Variants in FILIP1 observed in about 807,000 individuals in gnomAD.
The protein encoded by FILIP1 is filamin-A-interacting protein 1.
FILIP1 carries 61 observed loss-of-function variants against 102.1 expected under a neutral mutation model. The ratio of observed to expected loss-of-function variants is 0.60; its 90% CI spans 0.49 to 0.74. The LOEUF is 0.74. Among genes scored for constraint, FILIP1 ranks in the 30% least tolerant of loss-of-function variants. The pLI, the probability that FILIP1 is intolerant of heterozygous loss-of-function variation, is 0.00. For synonymous variants in FILIP1, 491 were observed against 526.9 expected (o/e 0.93, Z 0.93); for missense variants, 1,314 against 1,441.2 (o/e 0.91, Z 1.43).
intron 2 of FILIP1, chr6:75,399,260 T>C (rs1427684549): frequency 6.6e-6 from 1 of 152,210 alleles, no homozygotes; most frequent in Non-Finnish European, 1.5e-5. Flanking sequence ...GTTCAAGTTG[T>C]AACTTAGAGA....
At chr6:75,433,186 T>C (rs1433052577) in intron 1 of FILIP1, among the ~76,000 whole-genome samples, 1 of 152,246 alleles carries the variant, frequency 6.6e-6, no homozygotes, top group African/African-American at 2.4e-5. Context: ...CCTTTGGGTA[T>C]ATACCCAGTA....
At chr6:75,382,748 C>A (rs1775946654) in intron 2 of FILIP1, among the ~76,000 whole-genome samples, 1 of 152,278 alleles carries the variant, frequency 6.6e-6, no homozygotes, top group African/African-American at 2.4e-5. Flanking sequence ...CAAAGCAAAG[C>A]TTTTAGGGCT....
intron 1 of FILIP1, among the ~76,000 whole-genome samples, chr6:75,478,172 A>G (rs540022469): frequency 1.3e-5 from 2 of 152,322 alleles, no homozygotes; most frequent in African/African-American, 4.8e-5. Flanking sequence ...AGGATCAAAG[A>G]GCAAAAGATA....
Position 75,308,818 on chromosome 6 carries a change from A to G in FILIP1, c.3515T>C (p.Val1172Ala). Residue 1172 changes from valine to alanine, a missense_variant, in exon 6 of 6, where the codon GTA (valine) becomes GCA (alanine). Val to Ala is a moderately conservative substitution (Grantham distance 64). Coordinates refer to ENST00000237172, the MANE Select transcript of FILIP1 (RefSeq NM_015687.5). ...MSKGMKAGKPVVAAPGAGNLT... is the reference protein window; with the variant it reads ...MSKGMKAGKPAVAAPGAGNLT... ...ATTTCCTGCTCCTGGGGCTGCCACT[A>G]CTGGCTTTCCTGCTTTCATACCTTT... The G allele has an allele frequency of 6.2e-7, 1 of 1,614,064 alleles. No homozygotes were observed.
At chr6:75,403,919 TAGATG>T (rs1333211693) in intron 2 of FILIP1, among the ~76,000 whole-genome samples, 5 of 152,214 alleles carry the variant, frequency 3.3e-5, no homozygotes, top group Admixed American at 3.3e-4. Flanking sequence ...TCATATTCGT[TAGATG>T]ACACAGACTT....
chr6:75,397,563 C>CGT (rs1268496897), intron 2 of FILIP1, among the ~76,000 whole-genome samples: 27 of 80,806 alleles, frequency 3.3e-4, no homozygotes, highest in African/African-American at 1.9e-3. Context: ...CACACACACA[C>CGT]ACACACACAC....
intron 1 of FILIP1, among the ~76,000 whole-genome samples, chr6:75,468,948 A>G (rs1410385556): frequency 1.3e-5 from 2 of 152,070 alleles, no homozygotes; most frequent in African/African-American, 2.4e-5. Context: ...CAACCAAACT[A>G]TCATTCAAGA....
At chr6:75,480,280 A>G (rs1421786421) in intron 1 of FILIP1, among the ~76,000 whole-genome samples, 14 of 152,222 alleles carry the variant, frequency 9.2e-5, no homozygotes, top group Admixed American at 9.2e-4. Flanking sequence ...TATAGTATTA[A>G]AAATGTACAC....
intron 1 of FILIP1, among the ~76,000 whole-genome samples, chr6:75,435,878 T>C (rs1432262559): frequency 6.6e-6 from 1 of 152,212 alleles, no homozygotes; most frequent in Non-Finnish European, 1.5e-5. Context: ...TCTGCTTATT[T>C]AATCTGCTTG....
At chr6:75,325,429 A>T in intron 4 of FILIP1, among the ~76,000 whole-genome samples, 1 of 152,210 alleles carries the variant, frequency 6.6e-6, no homozygotes, top group East Asian at 1.9e-4. Flanking sequence ...CTCAAAAAAC[A>T]AAACAAAACA....
intron 1 of FILIP1, among the ~76,000 whole-genome samples, chr6:75,422,587 G>T (rs1156537893): frequency 3.3e-5 from 5 of 152,134 alleles, no homozygotes; most frequent in African/African-American, 1.2e-4. Flanking sequence ...TAGCCAGAAA[G>T]ACAAGTACCT....
chr6:75,487,669 ATCT>A (rs1174556587), intron 1 of FILIP1, among the ~76,000 whole-genome samples: 4 of 151,634 alleles, frequency 2.6e-5, no homozygotes, highest in African/African-American at 4.8e-5. Context: ...TTTCAGTCAG[ATCT>A]TCTTTTGGCC....
At chr6:75,411,828 A>G (rs924667540) in intron 2 of FILIP1, among the ~76,000 whole-genome samples, 6 of 152,036 alleles carry the variant, frequency 3.9e-5, no homozygotes, top group South Asian at 2.1e-4. Flanking sequence ...GGCTTGTAGT[A>G]TAGTTTGAAG....
chr6:75,372,617 AAGAAAAAG>A (rs1458087664), intron 2 of FILIP1, among the ~76,000 whole-genome samples: 11 of 118,964 alleles, frequency 9.2e-5, no homozygotes, highest in Non-Finnish European at 1.7e-4. Flanking sequence ...GAAAGAAAGA[AAGAAAAAG>A]AAAGAAAGAA....
intron 2 of FILIP1, among the ~76,000 whole-genome samples, chr6:75,392,003 A>G (rs1008931742): frequency 6.6e-6 from 1 of 151,680 alleles, no homozygotes; most frequent in South Asian, 2.1e-4. Flanking sequence ...CTCACTCCTC[A>G]TTTTTCTTGA....
At chr6:75,372,697 GAAAGAAAGAAAGAAA>G (rs1775591076) in intron 2 of FILIP1, among the ~76,000 whole-genome samples, 2 of 40,068 alleles carry the variant, frequency 5.0e-5, no homozygotes, top group African/African-American at 3.6e-4. Flanking sequence ...GAAAGAAAGA[GAAAGAAAGAAAGAAA>G]GGAAAGAAAG....
intron 6 of FILIP1, among the ~76,000 whole-genome samples, chr6:75,298,710 A>G (rs1378841503): frequency 6.6e-6 from 1 of 152,166 alleles, no homozygotes. Flanking sequence ...TGAGGTCAGG[A>G]GTTCAAGACC....
Position 75,414,994 on chromosome 6 carries a change from A to T in FILIP1, c.-6-16T>A, listed in dbSNP as rs367967011. 2 of 1,593,314 alleles carry T rather than the reference A, an allele frequency of 1.3e-6. No homozygotes were observed. Among genetic ancestry groups the T allele is most frequent in the Non-Finnish European group, 1.7e-6 (2 of 1,170,760 alleles). Reference sequence around the variant, plus strand: ...TCATTCCCACCTACAACACATACATAAAAAAAGATAAGATGTTCTTTACCA... The same window carrying T: ...TCATTCCCACCTACAACACATACATTAAAAAAGATAAGATGTTCTTTACCA... On this transcript the variant is annotated splice_polypyrimidine_tract_variant and intron_variant, in intron 1 of 5. Transcript: ENST00000237172.
intron 4 of FILIP1, among the ~76,000 whole-genome samples, chr6:75,316,222 GT>G (rs146720732): frequency 1.3e-5 from 2 of 152,202 alleles, no homozygotes; most frequent in Non-Finnish European, 1.5e-5. Context: ...AATTTTAATA[GT>G]TTTTTTATTT....
Sources: allele counts gnomAD v4.1 joint callset (sites outside exome capture counted in the v4.1 genomes callset), GRCh38; gene constraint gnomAD v4.1.1; transcripts MANE v1.5; gene names NCBI Gene and HGNC (gene_info 2026-07-23, HGNC 2026-07-21).